Variants in ERP44 observed in about 807,000 individuals in gnomAD.
ERP44 encodes the protein endoplasmic reticulum protein 44.
A neutral mutation model predicts 53.4 loss-of-function variants in ERP44; 25 were observed. The observed-to-expected ratio is 0.47, with a 90% CI of 0.34 to 0.65. The LOEUF is 0.65. ERP44 is among the 30% of genes least tolerant of loss of function. ERP44 has a pLI of 0.01. For synonymous variants in ERP44, 145 were observed against 161.2 expected (o/e 0.90, Z 0.76); for missense variants, 338 against 493.2 (o/e 0.69, Z 2.98).
At chr9:100,044,277 G>A (rs1465982271) in intron 4 of ERP44, among the ~76,000 whole-genome samples, 1 of 152,102 alleles carries the variant, frequency 6.6e-6, no homozygotes, top group African/African-American at 2.4e-5. Flanking sequence ...TACCATTCCA[G>A]TGCTAGGAAT....
chr9:100,068,093 C>A (rs1382776901), intron 1 of ERP44, among the ~76,000 whole-genome samples: 2 of 147,744 alleles, frequency 1.4e-5, no homozygotes, highest in African/African-American at 2.5e-5. Context: ...AGTCAGCCCC[C>A]CGCCCGGCCA....
At chr9:99,994,528 G>T (rs1383920672) in intron 10 of ERP44, among the ~76,000 whole-genome samples, 3 of 152,140 alleles carry the variant, frequency 2.0e-5, no homozygotes, top group Admixed American at 6.5e-5. Context: ...GGGAGGGATA[G>T]CATTAGGAGA....
intron 1 of ERP44, among the ~76,000 whole-genome samples, chr9:100,080,228 A>G (rs1826408604): frequency 6.6e-6 from 1 of 152,268 alleles, no homozygotes; most frequent in Admixed American, 6.5e-5. Context: ...TTTACCCTAC[A>G]ATTGAACGCT....
chr9:100,003,495 G>T (rs918535097), intron 10 of ERP44, among the ~76,000 whole-genome samples: 1 of 152,242 alleles, frequency 6.6e-6, no homozygotes, highest in Admixed American at 6.5e-5. Context: ...TAGTCCAGCT[G>T]CCTGCTATGG....
chr9:100,043,529 T>C (rs972041440), intron 4 of ERP44, among the ~76,000 whole-genome samples: 1 of 151,224 alleles, frequency 6.6e-6, no homozygotes, highest in Non-Finnish European at 1.5e-5. Flanking sequence ...CTGAGGCGGG[T>C]GGATCACTTG....
At chr9:100,009,325 G>A (rs889250565) in intron 8 of ERP44, among the ~76,000 whole-genome samples, 2 of 151,812 alleles carry the variant, frequency 1.3e-5, no homozygotes, top group Non-Finnish European at 2.9e-5. Flanking sequence ...TGTTGGCCAG[G>A]ATGGTCTCAA....
intron 8 of ERP44, among the ~76,000 whole-genome samples, chr9:100,011,153 TA>T (rs752755156): frequency 1.3e-4 from 19 of 151,278 alleles, no homozygotes; most frequent in Admixed American, 2.0e-4. Context: ...AATTCTAAGT[TA>T]AAAAAAAACA....
rs1258357294 is a variant in ERP44, at chr9:99,993,069, A to G, written c.1017-8000T>C. Among the ~76,000 whole-genome samples, 3 of 152,230 alleles carry G rather than the reference A, an allele frequency of 2.0e-5. No individual in the cohort carries two copies. The East Asian group carries it at 5.8e-4, about 29-fold the overall frequency. On this transcript the variant is annotated intron_variant, in intron 10 of 11. Coordinates refer to ENST00000262455, the MANE Select transcript of ERP44 (RefSeq NM_015051.3). ...CTCGTGGATAGGAAGAATCAATATCATAAAAATGGCCATACTGCCCAAGGT... is the reference window on the plus strand; with the variant it reads ...CTCGTGGATAGGAAGAATCAATATCGTAAAAATGGCCATACTGCCCAAGGT...
chr9:100,057,542 C>G (rs1013659489), intron 3 of ERP44, among the ~76,000 whole-genome samples: 2 of 152,122 alleles, frequency 1.3e-5, no homozygotes, highest in Non-Finnish European at 2.9e-5. Flanking sequence ...TACGGAATTG[C>G]AATATGTGTT....
chr9:100,023,445 T>G (rs72731365), intron 4 of ERP44, among the ~76,000 whole-genome samples: 207 of 141,714 alleles, frequency 1.5e-3, no homozygotes, highest in East Asian at 1.5e-3. Flanking sequence ...TTTTTTTTTT[T>G]GAAGACAGGG....
chr9:100,020,745 TA>T lies in ERP44; in HGVS notation c.472-15del. ...TCTTTTGCTGCGCTGTAAAATAAAGTATGCAATTATTTTGCAAACATACATA... is the reference window on the plus strand; with the variant it reads ...TCTTTTGCTGCGCTGTAAAATAAAGTTGCAATTATTTTGCAAACATACATA... On this transcript the variant is annotated splice_polypyrimidine_tract_variant and intron_variant, in intron 5 of 11. Transcript: ENST00000262455. 1 of 1,355,592 alleles carries T rather than the reference TA, an allele frequency of 7.4e-7. No homozygotes were observed. The highest frequency in any genetic ancestry group is 1.1e-6 in the Non-Finnish European group (1 of 948,764). The allele number at this position is 1,355,592 out of a possible 1,614,324, so 84.0% of individuals were successfully genotyped here.
At chr9:99,990,205 G>T (rs573109354) in intron 10 of ERP44, among the ~76,000 whole-genome samples, 2 of 152,112 alleles carry the variant, frequency 1.3e-5, no homozygotes, top group Non-Finnish European at 2.9e-5. Context: ...GCAACCCCAA[G>T]ACACATAATT....
intron 7 of ERP44, among the ~76,000 whole-genome samples, chr9:100,017,548 ACTTT>A (rs1440654987): frequency 6.6e-6 from 1 of 152,244 alleles, no homozygotes; most frequent in African/African-American, 2.4e-5. Context: ...TAGAATATGA[ACTTT>A]CTAAGCAAGA....
intron 8 of ERP44, among the ~76,000 whole-genome samples, chr9:100,011,249 C>T (rs189139508): frequency 1.7e-4 from 26 of 152,192 alleles, no homozygotes; most frequent in Admixed American, 9.8e-4. Context: ...TATGACACAC[C>T]ACTGACACCT....
At chr9:100,027,826 T>C (rs1413502716) in intron 4 of ERP44, among the ~76,000 whole-genome samples, 8 of 152,172 alleles carry the variant, frequency 5.3e-5, no homozygotes, top group Admixed American at 2.0e-4. Context: ...GAAAGTCTTA[T>C]TGTTCTTCTG....
chr9:100,040,679 G>T (rs1010827365), intron 4 of ERP44, among the ~76,000 whole-genome samples: 1 of 152,090 alleles, frequency 6.6e-6, no homozygotes, highest in Non-Finnish European at 1.5e-5. Flanking sequence ...ATGAGAGAAA[G>T]ATATAAAGGG....
At chr9:100,028,273 C>T (rs1454212280) in intron 4 of ERP44, among the ~76,000 whole-genome samples, 1 of 152,164 alleles carries the variant, frequency 6.6e-6, no homozygotes, top group Non-Finnish European at 1.5e-5. Flanking sequence ...ATGCCTCTTG[C>T]TTAGTGCCAT....
At chr9:100,060,219 C>G (rs768697618) in intron 1 of ERP44, 47 bp from the exon 2 acceptor site, 1 of 1,391,260 alleles carries the variant, frequency 7.2e-7, no homozygotes, top group South Asian at 1.7e-5. Flanking sequence ...CCACAAAAGA[C>G]AAATACGTAA....
chr9:100,083,001 G>A (rs1332937410), intron 1 of ERP44, among the ~76,000 whole-genome samples: 2 of 151,920 alleles, frequency 1.3e-5, no homozygotes, highest in Non-Finnish European at 2.9e-5. Context: ...AGCCATAAAA[G>A]ATTGATGAAA....
Sources: allele counts gnomAD v4.1 joint callset (sites outside exome capture counted in the v4.1 genomes callset), GRCh38; gene constraint gnomAD v4.1.1; transcripts MANE v1.5; gene names NCBI Gene and HGNC (gene_info 2026-07-23, HGNC 2026-07-21).